Variants in ZMAT1 observed in about 807,000 individuals in gnomAD.
ZMAT1 encodes zinc finger matrin-type 1, also known as zinc finger matrin-type protein 1.
In ZMAT1, 11 loss-of-function variants were observed where a neutral mutation model predicts 18.5. That is an observed-to-expected ratio of 0.59 (90% confidence interval 0.37 to 0.98). The LOEUF (loss-of-function observed/expected upper bound fraction) is 0.98. Ranked by LOEUF, ZMAT1 falls within the 50% of genes least tolerant of loss-of-function variation. The pLI is 0.01. For missense variants in ZMAT1, 525 were observed against 496.2 expected (o/e 1.06, Z -0.55); for synonymous variants, 211 against 176.4 (o/e 1.20, Z -1.55).
rs1183125656 is a variant in ZMAT1, at chrX:101,904,328, C to G, written c.295G>C (p.Ala99Pro). 1 of 1,182,971 alleles carries G rather than the reference C, an allele frequency of 8.5e-7. No individual in the cohort carries two copies. Among genetic ancestry groups the G allele is most frequent in the African/African-American group, 1.8e-5 (1 of 56,065 alleles). ...GCCTTTTCCTGTTCATTCCAAATGG[C>G]GTCTGTGAATAAAAAAGGGAAGACA... is the stretch of plus-strand genomic sequence containing the variant. ...VDTRPCLRED[A>P]IWNEQEKAEL... The change falls in exon 2 of 6, where the codon GCC becomes CCC. Residue 99 changes from alanine to proline, a missense_variant and splice_region_variant. Physicochemically the swap from Ala to Pro is conservative, Grantham distance 27. Transcript: ENST00000651725.
rs1926678348 is a variant in ZMAT1 at position 101,883,774 on chromosome X, CCTTT to C, written c.1820_1823del (p.Glu607GlyfsTer20). On this transcript the variant is annotated frameshift_variant, in exon 6 of 6. Coordinates refer to ENST00000651725, the MANE Select transcript of ZMAT1 (RefSeq NM_001394560.1). LOFTEE classifies it high-confidence loss of function. ...TATGCTTGGACTGCTCTTTCTCTGG[CCTTT>C]CTTTGCCTTCTTCTAGGTGTCGTTT... is the stretch of plus-strand genomic sequence containing the variant. 3 of 1,208,733 alleles carry C rather than the reference CCTTT, an allele frequency of 2.5e-6. No individual in the cohort carries two copies. The highest frequency in any genetic ancestry group is 3.4e-6 in the Non-Finnish European group (3 of 894,650).
Position 101,931,977 on chromosome X carries a change from A to C in ZMAT1, c.32T>G (p.Leu11Arg). Residue 11 changes from leucine (L) to arginine (R), a missense_variant, in exon 1 of 6, where the codon CTG (leucine) becomes CGG (arginine). Physicochemically the swap from Leu to Arg is moderately radical, Grantham distance 102 (BLOSUM62 -2). Coordinates refer to ENST00000651725, the MANE Select transcript of ZMAT1 (RefSeq NM_001394560.1). The stretch of plus-strand genomic sequence containing the variant: ...TTCCTGAGGGGAAGACTCCGCCGCC[A>C]GCGGGGTGACTGTGCTCGGCGCCGC... Reference protein sequence around the residue: MAAAPSTVTPLAAESSPQEAT... With the variant: MAAAPSTVTPRAAESSPQEAT... The C allele has an allele frequency of 1.3e-6, 1 of 773,000 alleles. No homozygotes were observed. The highest frequency in any genetic ancestry group is 1.5e-6 in the Non-Finnish European group (1 of 651,790). The allele number at this position is 773,000 out of a possible 1,213,427, so 63.7% of individuals were successfully genotyped here. A position where few individuals can be genotyped will look rare whatever the true frequency, so the allele number is the denominator to read the frequency against.
intron 2 of ZMAT1, among the ~76,000 whole-genome samples, chrX:101,901,183 T>C (rs1928204130): frequency 9.0e-6 from 1 of 111,661 alleles, no homozygotes; most frequent in Non-Finnish European, 1.9e-5. Flanking sequence ...TGCTGAATTC[T>C]TTTATCAGTT....
At chrX:101,888,442 G>C (rs1212134524) in intron 4 of ZMAT1, 1 of 111,434 alleles carries the variant, frequency 9.0e-6, no homozygotes, top group Non-Finnish European at 1.9e-5. Context: ...CTGGATTAGT[G>C]GTTCTCAATG....
At chrX:101,897,369 T>C (rs12396715) in intron 4 of ZMAT1, among the ~76,000 whole-genome samples, 19 of 98,747 alleles carry the variant, frequency 1.9e-4, no homozygotes, top group African/African-American at 7.0e-4. Flanking sequence ...GGGATAGTAT[T>C]GGGAGATATA....
intron 1 of ZMAT1, among the ~76,000 whole-genome samples, chrX:101,908,580 G>C (rs746569603): frequency 2.9e-4 from 32 of 111,883 alleles, no homozygotes; most frequent in African/African-American, 1.0e-3. Context: ...CTGGTGCAGA[G>C]AGCATTTCTG....
intron 2 of ZMAT1, among the ~76,000 whole-genome samples, chrX:101,903,817 T>G (rs1928419128): frequency 8.9e-6 from 1 of 112,074 alleles, no homozygotes; most frequent in Non-Finnish European, 1.9e-5. Context: ...TTCAATCAAG[T>G]GCAAGACTGG....
intron 4 of ZMAT1, chrX:101,887,374 A>G (rs1408093478): frequency 5.5e-6 from 2 of 363,544 alleles, no homozygotes; most frequent in Non-Finnish European, 7.1e-6. Flanking sequence ...TATAGTAACT[A>G]GCACACTATT....
At chrX:101,920,618 AG>A (rs1410728653) in intron 1 of ZMAT1, among the ~76,000 whole-genome samples, 1 of 112,422 alleles carries the variant, frequency 8.9e-6, no homozygotes, top group African/African-American at 3.2e-5. Context: ...TGGAAAAAAA[AG>A]AAAAATTAAA....
Position 101,883,637 on chromosome X carries a change from T to C in ZMAT1, c.1961A>G (p.Lys654Arg), listed in dbSNP as rs1456298676. ...GGGTACATCATGGCTTTTTTTCTTT[T>C]TTCGATGCTTAAGCTTTCCTGAACT... The part of the protein sequence containing the change: ...KVSSGKLKHR[K>R]KKKSHDVPSE... The change falls in exon 6 of 6, where the codon AAA (lysine) becomes AGA (arginine). Residue 654 changes from lysine (K) to arginine (R), a missense_variant. Lys to Arg is a conservative substitution (Grantham distance 26). Coordinates refer to ENST00000651725, the MANE Select transcript of ZMAT1 (RefSeq NM_001394560.1). 8.3e-7 allele frequency: 1 copy of C among 1,207,342 alleles called. No homozygotes were observed. Among genetic ancestry groups the C allele is most frequent in the Non-Finnish European group, 1.1e-6 (1 of 894,485 alleles).
chrX:101,888,009 T>C (rs956752107), intron 4 of ZMAT1: 1 of 111,623 alleles, frequency 9.0e-6, no homozygotes, highest in African/African-American at 3.2e-5. Flanking sequence ...CCAGACTTCT[T>C]TGATAAAAAT....
rs1217734478 is a variant in ZMAT1 at position 101,884,294 on chromosome X, G to A, written c.1304C>T (p.Pro435Leu). 8.3e-7 allele frequency: 1 copy of A among 1,210,292 alleles called. No individual in the cohort carries two copies. The highest frequency in any genetic ancestry group is 1.8e-5 in the South Asian group (1 of 56,926). ...YHISPVESQL[P>L]QWLPTHSKRT... ...CTTTGAATGGGTTGGTAGCCACTGAGGTAACTGGCTTTCCACTGGTGAAAT... is the reference window on the plus strand; with the variant it reads ...CTTTGAATGGGTTGGTAGCCACTGAAGTAACTGGCTTTCCACTGGTGAAAT... Residue 435 changes from proline (P) to leucine (L), a missense_variant, in exon 6 of 6, where the codon CCT becomes CTT. Coordinates refer to ENST00000651725, the MANE Select transcript of ZMAT1 (RefSeq NM_001394560.1).
intron 1 of ZMAT1, among the ~76,000 whole-genome samples, chrX:101,913,577 T>C (rs1929103043): frequency 9.0e-6 from 1 of 111,710 alleles, no homozygotes; most frequent in Non-Finnish European, 1.9e-5. Context: ...ACCAAAACTG[T>C]AAGAAGAGAC....
intron 4 of ZMAT1, chrX:101,895,948 C>T (rs1424119653): frequency 1.8e-6 from 1 of 551,066 alleles, no homozygotes; most frequent in East Asian, 1.8e-4. Flanking sequence ...TTATTGTAAA[C>T]TACTAGGGAA....
At chrX:101,894,440 G>A in intron 4 of ZMAT1, 3 of 753,877 alleles carry the variant, frequency 4.0e-6, no homozygotes, top group Non-Finnish European at 4.7e-6. Context: ...TGGTGTTTGG[G>A]GGTTCATAGT....
At position 101,884,303 on chromosome X, in the gene ZMAT1, C is replaced by A. The variant is rs370448586; in HGVS notation, c.1295G>T (p.Ser432Ile). The change falls in exon 6 of 6, where the codon AGC becomes ATC. Residue 432 changes from serine (S) to isoleucine (I), a missense_variant. Physicochemically the swap from Ser to Ile is moderately radical, Grantham distance 142. Coordinates refer to ENST00000651725, the MANE Select transcript of ZMAT1 (RefSeq NM_001394560.1). ...GGTTGGTAGCCACTGAGGTAACTGG[C>A]TTTCCACTGGTGAAATATGGTATGG... The part of the protein sequence containing the change: ...QRPYHISPVE[S>I]QLPQWLPTHS... The A allele has an allele frequency of 8.3e-7, 1 of 1,210,444 alleles. No homozygotes were observed. The highest frequency in any genetic ancestry group is 3.0e-5 in the East Asian group (1 of 33,737).
At chrX:101,929,390 CATAT>C (rs758833443) in intron 1 of ZMAT1, among the ~76,000 whole-genome samples, 16 of 91,322 alleles carry the variant, frequency 1.8e-4, no homozygotes, top group African/African-American at 6.2e-4. Context: ...CCATTTATGG[CATAT>C]ATATATATAT....
intron 1 of ZMAT1, among the ~76,000 whole-genome samples, chrX:101,913,835 GA>G (rs1471857204): frequency 8.9e-6 from 1 of 111,773 alleles, no homozygotes; most frequent in Non-Finnish European, 1.9e-5. Flanking sequence ...CACTACGGAT[GA>G]AATGGATCTA....
Position 101,883,479 on chromosome X carries a change from A to C in ZMAT1, c.*31T>G. ...TCCATATTGACTGTTTTTTTTTTTC[A>C]ATTCAACCTTGGGTAAACAAAACTA... On this transcript the variant is annotated 3_prime_UTR_variant, in exon 6 of 6. Coordinates refer to ENST00000651725, the MANE Select transcript of ZMAT1 (RefSeq NM_001394560.1). 1 of 1,082,015 alleles carries C rather than the reference A, an allele frequency of 9.2e-7. No individual in the cohort carries two copies. The allele number at this position is 1,082,015 out of a possible 1,213,427, so 89.2% of individuals were successfully genotyped here.
Sources: allele counts gnomAD v4.1 joint callset (sites outside exome capture counted in the v4.1 genomes callset), GRCh38; gene constraint gnomAD v4.1.1; transcripts MANE v1.5; gene names NCBI Gene and HGNC (gene_info 2026-07-23, HGNC 2026-07-21).